The following NDRG3 variants were observed in gnomAD, a reference collection of about 807,000 sequenced individuals.
NDRG3 encodes the protein NDRG family member 3, also known as protein NDRG3.
NDRG3 carries 23 observed loss-of-function variants against 57.2 expected under a neutral mutation model. The observed-to-expected ratio is 0.40, with a 90% CI of 0.29 to 0.57. The LOEUF is 0.57. Ranked by LOEUF, NDRG3 falls within the 20% of genes least tolerant of loss-of-function variation. The pLI is 0.42. For missense variants in NDRG3, 384 were observed against 457.3 expected (o/e 0.84, Z 1.46); for synonymous variants, 132 against 162.6 (o/e 0.81, Z 1.43).
chr20:36,724,506 C>T (rs192443841), intron 1 of NDRG3, among the ~76,000 whole-genome samples: 19 of 152,286 alleles, frequency 1.2e-4, no homozygotes, highest in African/African-American at 4.6e-4. Context: ...TTTCACAGTC[C>T]CCACTTAACT....
chr20:36,688,221 G>A (rs1278949685), intron 4 of NDRG3, among the ~76,000 whole-genome samples: 1 of 152,246 alleles, frequency 6.6e-6, no homozygotes. Flanking sequence ...GACTCTGTGT[G>A]TCTATGGCTG....
chr20:36,667,353 C>T (rs11696362), intron 9 of NDRG3, among the ~76,000 whole-genome samples: 2 of 152,116 alleles, frequency 1.3e-5, no homozygotes, highest in Non-Finnish European at 2.9e-5. Flanking sequence ...TCATAATGTA[C>T]TGCAGCTTGG....
At chr20:36,739,133 TCAAAAAAAAAAAAA>T (rs1285591273) in intron 1 of NDRG3, among the ~76,000 whole-genome samples, 9 of 31,518 alleles carry the variant, frequency 2.9e-4, no homozygotes, top group East Asian at 1.1e-3. Flanking sequence ...AGACCCCATC[TCAAAAAAAAAAAAA>T]AAAAAAAAAA....
intron 3 of NDRG3, among the ~76,000 whole-genome samples, chr20:36,703,421 C>CCCATCTATCTATCTATCTAT (rs569065969): frequency 4.0e-4 from 59 of 147,014 alleles, no homozygotes; most frequent in African/African-American, 1.4e-3. Context: ...TATGTAATAT[C>CCCATCTATCTATCTATCTAT]CTATCTATCT....
At chr20:36,666,895 G>A (rs1196602857) in intron 9 of NDRG3, among the ~76,000 whole-genome samples, 6 of 152,050 alleles carry the variant, frequency 3.9e-5, no homozygotes, top group East Asian at 1.9e-4. Flanking sequence ...GAGCAATGGC[G>A]CAGTCTCAGC....
At chr20:36,691,001 T>C (rs1358358085) in intron 3 of NDRG3, among the ~76,000 whole-genome samples, 1 of 152,276 alleles carries the variant, frequency 6.6e-6, no homozygotes, top group Admixed American at 6.5e-5. Flanking sequence ...AAGTTTTATA[T>C]TTCTCAAAAA....
intron 1 of NDRG3, among the ~76,000 whole-genome samples, chr20:36,737,211 C>T (rs1269417122): frequency 6.6e-6 from 1 of 152,086 alleles, no homozygotes; most frequent in Non-Finnish European, 1.5e-5. Flanking sequence ...CATCGGCCAG[C>T]GGAAGTTTTA....
intron 1 of NDRG3, among the ~76,000 whole-genome samples, chr20:36,734,749 T>C (rs542037962): frequency 6.6e-6 from 1 of 151,606 alleles, no homozygotes; most frequent in South Asian, 2.1e-4. Flanking sequence ...CAATACTAGA[T>C]GACAGTGGCA....
chr20:36,742,118 C>T (rs1260432574), intron 1 of NDRG3, among the ~76,000 whole-genome samples: 2 of 152,134 alleles, frequency 1.3e-5, no homozygotes, highest in Non-Finnish European at 2.9e-5. Context: ...TGCCCCCTTT[C>T]CCCAGCTCCC....
intron 13 of NDRG3, among the ~76,000 whole-genome samples, chr20:36,657,276 T>C (rs559278467): frequency 1.3e-4 from 20 of 152,076 alleles, no homozygotes; most frequent in African/African-American, 4.8e-4. Flanking sequence ...TCACCTGAGG[T>C]CAGGAGTTCC....
chr20:36,667,924 G>A (rs927207280), intron 9 of NDRG3, among the ~76,000 whole-genome samples: 2 of 152,126 alleles, frequency 1.3e-5, no homozygotes, highest in East Asian at 1.9e-4. Flanking sequence ...CATTCTAAAG[G>A]TATTATAATA....
At chr20:36,730,621 G>C (rs1012817221) in intron 1 of NDRG3, among the ~76,000 whole-genome samples, 3 of 151,990 alleles carry the variant, frequency 2.0e-5, no homozygotes, top group Non-Finnish European at 4.4e-5. Flanking sequence ...AAAAAAAGGA[G>C]GGGGAGCTCT....
chr20:36,700,043 G>A (rs898733804), intron 3 of NDRG3, among the ~76,000 whole-genome samples: 3 of 151,026 alleles, frequency 2.0e-5, no homozygotes, highest in African/African-American at 7.3e-5. Context: ...GAACCCAGGA[G>A]GCGGAGGTTT....
At chr20:36,703,590 C>T (rs572045998) in intron 3 of NDRG3, among the ~76,000 whole-genome samples, 1 of 151,892 alleles carries the variant, frequency 6.6e-6, no homozygotes, top group Non-Finnish European at 1.5e-5. Context: ...ACTACAGGCG[C>T]ATGCCATCGT....
At chr20:36,705,469 CT>C (rs1489489246) in intron 3 of NDRG3, among the ~76,000 whole-genome samples, 6 of 152,032 alleles carry the variant, frequency 3.9e-5, no homozygotes, top group African/African-American at 1.2e-4. Context: ...ATAAATAGTT[CT>C]TTCTTCTGAT....
At chr20:36,733,051 G>A (rs1985372007) in intron 1 of NDRG3, among the ~76,000 whole-genome samples, 1 of 149,898 alleles carries the variant, frequency 6.7e-6, no homozygotes, top group African/African-American at 2.5e-5. Context: ...GGAGGCTGAG[G>A]TGGGAAGACT....
intron 2 of NDRG3, among the ~76,000 whole-genome samples, chr20:36,708,647 CAAAAAAAAA>C: frequency 1.6e-5 from 1 of 62,650 alleles, no homozygotes; most frequent in South Asian, 6.7e-4. Context: ...GACTCCGTCT[CAAAAAAAAA>C]AAAAAAAAAA....
At chr20:36,661,219 ACTCTT>A (rs144666046) in intron 12 of NDRG3, among the ~76,000 whole-genome samples, 2,614 of 152,076 alleles carry the variant, frequency 0.017, 77 homozygotes, top group African/African-American at 0.06. Flanking sequence ...CCAAAGTTGA[ACTCTT>A]CTCATTTTTC....
At chr20:36,725,148 T>A (rs771896319) in intron 1 of NDRG3, among the ~76,000 whole-genome samples, 115 of 151,438 alleles carry the variant, frequency 7.6e-4, no homozygotes, top group Non-Finnish European at 1.5e-3. Context: ...ATAAAAAAAA[T>A]TAGACAGGTG....
Sources: gnomAD v4.1 joint callset for allele counts (sites outside exome capture counted in the v4.1 genomes callset) on GRCh38, gnomAD v4.1.1 for gene constraint, MANE v1.5 for transcripts, NCBI Gene and HGNC (gene_info 2026-07-23, HGNC 2026-07-21) for gene names.